The following ABTB3 variants were observed in gnomAD, a reference collection of about 807,000 sequenced individuals.
ABTB3 encodes the protein ankyrin repeat and BTB domain containing 3, also known as ankyrin repeat- and BTB/POZ domain-containing protein 3.
the ABTB3 span, chr12:107,659,627 A>G: frequency 2.0e-5 from 3 of 152,224 alleles, no homozygotes; most frequent in African/African-American, 7.2e-5. Flanking sequence ...CATTAAAAGA[A>G]ATGATTTTCC....
At chr12:107,617,179 G>A in the ABTB3 span, 5 of 1,614,048 alleles carry the variant, frequency 3.1e-6, no homozygotes, top group East Asian at 6.7e-5. Context: ...GGCAGCTGCT[G>A]TAGGTAAGAG....
the ABTB3 span, among the ~76,000 whole-genome samples, chr12:107,636,592 T>C: frequency 6.6e-6 from 1 of 152,250 alleles, no homozygotes; most frequent in Non-Finnish European, 1.5e-5. Flanking sequence ...TTAATTTAAA[T>C]GAGACACAAC....
chr12:107,336,842 T>G, the ABTB3 span, among the ~76,000 whole-genome samples: 1 of 152,192 alleles, frequency 6.6e-6, no homozygotes, highest in Non-Finnish European at 1.5e-5. Flanking sequence ...TGCCAGAGTA[T>G]AGTATGTCCT....
the ABTB3 span, among the ~76,000 whole-genome samples, chr12:107,436,784 G>A: frequency 6.6e-6 from 1 of 152,116 alleles, no homozygotes; most frequent in Non-Finnish European, 1.5e-5. Context: ...TGTCATAGGT[G>A]CTTTATAAAT....
chr12:107,479,957 C>T, the ABTB3 span, among the ~76,000 whole-genome samples: 3 of 152,200 alleles, frequency 2.0e-5, no homozygotes, highest in African/African-American at 7.2e-5. Context: ...ATCCCATGTT[C>T]TCAACCACTA....
chr12:107,557,056 T>G, the ABTB3 span, among the ~76,000 whole-genome samples: 1 of 152,176 alleles, frequency 6.6e-6, no homozygotes, highest in African/African-American at 2.4e-5. Flanking sequence ...TCCATCCGAT[T>G]GGACAGCCTT....
At chr12:107,523,992 G>C in the ABTB3 span, among the ~76,000 whole-genome samples, 1 of 152,182 alleles carries the variant, frequency 6.6e-6, no homozygotes, top group Admixed American at 6.5e-5. Context: ...ACCTGGACTG[G>C]GGCCCTGCGT....
At chr12:107,524,549 C>T in the ABTB3 span, among the ~76,000 whole-genome samples, 1 of 152,164 alleles carries the variant, frequency 6.6e-6, no homozygotes, top group Non-Finnish European at 1.5e-5. Flanking sequence ...ATAACGGCAG[C>T]AGCTGATGTT....
At chr12:107,633,788 A>G in the ABTB3 span, among the ~76,000 whole-genome samples, 1 of 152,196 alleles carries the variant, frequency 6.6e-6, no homozygotes, top group African/African-American at 2.4e-5. Context: ...TGGTTCTCAA[A>G]CTTAAGGGAA....
chr12:107,597,154 A>C, the ABTB3 span, among the ~76,000 whole-genome samples: 1 of 152,226 alleles, frequency 6.6e-6, no homozygotes, highest in Non-Finnish European at 1.5e-5. Flanking sequence ...CTGAGTCTGT[A>C]GACTCTAACA....
chr12:107,563,941 A>G, the ABTB3 span, among the ~76,000 whole-genome samples: 1 of 152,198 alleles, frequency 6.6e-6, no homozygotes, highest in Non-Finnish European at 1.5e-5. Flanking sequence ...TCTGTGCTAT[A>G]ATTGGACGAC....
chr12:107,475,451 T>C, the ABTB3 span, among the ~76,000 whole-genome samples: 1 of 152,204 alleles, frequency 6.6e-6, no homozygotes, highest in African/African-American at 2.4e-5. Context: ...ACCATTTCCA[T>C]CACCCAGGGC....
the ABTB3 span, among the ~76,000 whole-genome samples, chr12:107,613,868 G>T: frequency 1.3e-3 from 202 of 152,154 alleles, no homozygotes; most frequent in African/African-American, 4.4e-3. Context: ...GTGTGTGTGT[G>T]TTTTTTTAAT....
chr12:107,338,596 G>A, the ABTB3 span, among the ~76,000 whole-genome samples: 1 of 152,184 alleles, frequency 6.6e-6, no homozygotes, highest in African/African-American at 2.4e-5. Context: ...ATGAGGACAT[G>A]GAGGTTGACT....
chr12:107,367,449 T>A, the ABTB3 span, among the ~76,000 whole-genome samples: 1 of 152,142 alleles, frequency 6.6e-6, no homozygotes, highest in South Asian at 2.1e-4. Context: ...ACGGAAATTT[T>A]ATCATTATGC....
the ABTB3 span, among the ~76,000 whole-genome samples, chr12:107,357,826 C>T: frequency 2.6e-5 from 4 of 152,286 alleles, no homozygotes; most frequent in Admixed American, 6.5e-5. Context: ...CCCTGCGAGG[C>T]CCTAATAGGA....
At chr12:107,495,045 G>A in the ABTB3 span, among the ~76,000 whole-genome samples, 2 of 152,164 alleles carry the variant, frequency 1.3e-5, no homozygotes, top group African/African-American at 4.8e-5. Context: ...AGCAACCAGG[G>A]GAAGGTAGGG....
At chr12:107,354,911 A>C in the ABTB3 span, among the ~76,000 whole-genome samples, 1 of 152,212 alleles carries the variant, frequency 6.6e-6, no homozygotes. Context: ...TGATGGCTGT[A>C]ACCATACATT....
chr12:107,604,026 A>T, the ABTB3 span, among the ~76,000 whole-genome samples: 2 of 152,018 alleles, frequency 1.3e-5, no homozygotes, highest in African/African-American at 4.8e-5. Context: ...AAAATTAGCC[A>T]GGTGTGGTGG....
Sources: allele counts gnomAD v4.1 joint callset (sites outside exome capture counted in the v4.1 genomes callset), GRCh38; gene constraint gnomAD v4.1.1; transcripts MANE v1.5; gene names NCBI Gene and HGNC (gene_info 2026-07-23, HGNC 2026-07-21).